The following ZUP1 variants were observed in gnomAD, a reference collection of about 807,000 sequenced individuals.
ZUP1 encodes the protein zinc finger-containing ubiquitin peptidase 1.
Under a neutral mutation model 68.1 loss-of-function variants are expected in ZUP1, and 55 were observed. The observed-to-expected ratio is 0.81, with a 90% CI of 0.65 to 1.01. ZUP1 has a LOEUF of 1.01. ZUP1 is among the 50% of genes least tolerant of loss of function. The pLI is 0.00. For synonymous variants in ZUP1, 223 were observed against 221.5 expected (o/e 1.01, Z -0.06); for missense variants, 684 against 674.9 (o/e 1.01, Z -0.15).
chr6:116,664,163 G>C (rs1056863019), intron 2 of ZUP1, among the ~76,000 whole-genome samples: 1 of 152,198 alleles, frequency 6.6e-6, no homozygotes, highest in South Asian at 2.1e-4. Context: ...GGGCGCGGTG[G>C]CTTACGCCTG....
intron 9 of ZUP1, among the ~76,000 whole-genome samples, chr6:116,641,245 C>T (rs966330089): frequency 6.6e-6 from 1 of 151,774 alleles, no homozygotes; most frequent in Non-Finnish European, 1.5e-5. Context: ...TAATGGGAGA[C>T]TTTAACACCC....
At chr6:116,663,730 C>T (rs560551002) in intron 2 of ZUP1, among the ~76,000 whole-genome samples, 7 of 152,018 alleles carry the variant, frequency 4.6e-5, no homozygotes, top group Non-Finnish European at 1.0e-4. Flanking sequence ...TGCTTGAGCA[C>T]AGGAGTTCAA....
At chr6:116,635,938 G>C in intron 9 of ZUP1, 59 bp from the exon 10 acceptor site, 1 of 1,110,724 alleles carries the variant, frequency 9.0e-7, no homozygotes, top group Admixed American at 2.7e-5. Flanking sequence ...TAGAATATGT[G>C]TTGTCATTCT....
At chr6:116,641,665 C>G (rs1463303640) in intron 9 of ZUP1, among the ~76,000 whole-genome samples, 7 of 151,982 alleles carry the variant, frequency 4.6e-5, no homozygotes, top group Non-Finnish European at 7.4e-5. Context: ...CAACATAACA[C>G]AATCTCTGGG....
At chr6:116,655,415 T>A (rs1286004486) in intron 5 of ZUP1, among the ~76,000 whole-genome samples, 3 of 152,190 alleles carry the variant, frequency 2.0e-5, no homozygotes, top group Non-Finnish European at 4.4e-5. Flanking sequence ...TGTATGAGAC[T>A]GATAAATATC....
intron 3 of ZUP1, among the ~76,000 whole-genome samples, chr6:116,660,007 C>T (rs1478072679): frequency 6.6e-6 from 1 of 152,188 alleles, no homozygotes; most frequent in African/African-American, 2.4e-5. Context: ...TATAGGTTTA[C>T]ACTGTAATAT....
chr6:116,637,934 C>A (rs144373156), intron 9 of ZUP1, among the ~76,000 whole-genome samples: 5,109 of 152,128 alleles, frequency 0.034, 255 homozygotes, highest in African/African-American at 0.11. Flanking sequence ...TGGTGGCACA[C>A]GCCTGTAATC....
At chr6:116,660,677 T>C (rs1207611273) in intron 3 of ZUP1, 59 bp downstream of exon 3, 5 of 888,852 alleles carry the variant, frequency 5.6e-6, no homozygotes, top group African/African-American at 5.3e-5. Flanking sequence ...AAAAATTAGA[T>C]ATGTGTCCTA....
rs1474431656 is a variant in ZUP1 at position 116,635,869 on chromosome 6, T to C, written c.1700A>G (p.Gln567Arg). Residue 567 changes from glutamine (Q) to arginine (R), a missense_variant, in exon 10 of 10, where the codon CAA (glutamine) becomes CGA (arginine). Coordinates refer to ENST00000368576, the MANE Select transcript of ZUP1 (RefSeq NM_145062.3). ...CTCGGCTGTAAAGACTTGAGAAGCT[T>C]GTCTCCTGGCCTTGAAAAGAAATTT... Reference protein sequence around the residue: ...LSLEEKLARRQASQVFTAEKI... With the variant: ...LSLEEKLARRRASQVFTAEKI... 3 of 1,595,712 alleles carry C rather than the reference T, an allele frequency of 1.9e-6. No homozygotes were observed. The highest frequency in any genetic ancestry group is 3.3e-4 in the Middle Eastern group (2 of 6,004).
chr6:116,650,340 T>C (rs1186397821), intron 7 of ZUP1, among the ~76,000 whole-genome samples: 2 of 141,852 alleles, frequency 1.4e-5, no homozygotes, highest in East Asian at 4.2e-4. Flanking sequence ...GGGAATCGCT[T>C]GAACCCAGGA....
intron 2 of ZUP1, among the ~76,000 whole-genome samples, chr6:116,661,266 T>C (rs926292262): frequency 2.0e-5 from 3 of 152,140 alleles, no homozygotes; most frequent in African/African-American, 7.2e-5. Flanking sequence ...TAAAAGCTCT[T>C]TGTAGTGGAT....
intron 9 of ZUP1, among the ~76,000 whole-genome samples, chr6:116,641,560 G>A (rs1211821630): frequency 2.0e-5 from 3 of 151,974 alleles, no homozygotes; most frequent in African/African-American, 7.3e-5. Flanking sequence ...CAACTACATG[G>A]AAACTGAACA....
chr6:116,640,773 G>A (rs1174454145), intron 9 of ZUP1, among the ~76,000 whole-genome samples: 2 of 151,378 alleles, frequency 1.3e-5, no homozygotes, highest in African/African-American at 2.4e-5. Flanking sequence ...GGAAGAAACT[G>A]CATCAACTAA....
chr6:116,635,999 C>T, intron 9 of ZUP1, 120 bp from the exon 10 acceptor site: 1 of 603,728 alleles, frequency 1.7e-6, no homozygotes, highest in South Asian at 3.9e-5. Context: ...AATGAAAATT[C>T]CTAAAGAAAA....
intron 9 of ZUP1, among the ~76,000 whole-genome samples, chr6:116,640,340 C>T (rs1418244981): frequency 6.6e-6 from 1 of 152,088 alleles, no homozygotes; most frequent in East Asian, 1.9e-4. Flanking sequence ...ACAGAGAATG[C>T]CACAAAGATA....
rs529286172 is a variant in ZUP1, at chr6:116,661,184, T to A, written c.560-338A>T. Among the ~76,000 whole-genome samples, 614 of 152,250 alleles carry A rather than the reference T, an allele frequency of 4.0e-3. 1 individual carries two copies. Among genetic ancestry groups the A allele is most frequent in the Non-Finnish European group, 7.2e-3 (491 of 68,022 alleles). The stretch of plus-strand genomic sequence containing the variant: ...AGCCACCATGCCCAGCCAAGTTGGT[T>A]TTATTTTTATAACTTTTAGATTTTT... On this transcript the variant is annotated intron_variant, in intron 2 of 9. Transcript: ENST00000368576.
intron 4 of ZUP1, 69 bp downstream of exon 4, chr6:116,658,734 C>T (rs1183798498): frequency 9.3e-6 from 13 of 1,404,314 alleles, no homozygotes; most frequent in Non-Finnish European, 9.5e-6. Context: ...AAAAATAATA[C>T]ACTGGAAAGC....
At chr6:116,667,848 G>T (rs1777057769) in intron 1 of ZUP1, among the ~76,000 whole-genome samples, 1 of 152,070 alleles carries the variant, frequency 6.6e-6, no homozygotes, top group Admixed American at 6.6e-5. Flanking sequence ...GTAGAAAAAA[G>T]CACTTATTCC....
intron 2 of ZUP1, 24 bp downstream of exon 2, chr6:116,666,610 T>G: frequency 6.6e-7 from 1 of 1,518,774 alleles, no homozygotes; most frequent in Non-Finnish European, 8.8e-7. Flanking sequence ...AAACTTATAA[T>G]TTATAATGAA....
Sources: gnomAD v4.1 joint callset for allele counts (sites outside exome capture counted in the v4.1 genomes callset) on GRCh38, gnomAD v4.1.1 for gene constraint, MANE v1.5 for transcripts, NCBI Gene and HGNC (gene_info 2026-07-23, HGNC 2026-07-21) for gene names.